The following TNRC6B variants were observed in gnomAD, a reference collection of about 807,000 sequenced individuals.
TNRC6B encodes the protein trinucleotide repeat containing adaptor 6B, also known as trinucleotide repeat-containing gene 6B protein.
TNRC6B carries 52 observed loss-of-function variants against 203.6 expected under a neutral mutation model. The observed-to-expected ratio is 0.26, with a 90% CI of 0.20 to 0.32. The LOEUF (loss-of-function observed/expected upper bound fraction) is 0.32, where lower values mean the gene tolerates loss of function less well. Among genes scored for constraint, TNRC6B ranks in the 10% least tolerant of loss-of-function variants. The pLI, the probability that TNRC6B is intolerant of heterozygous loss-of-function variation, is 1.00. For synonymous variants in TNRC6B, 838 were observed against 845.7 expected (o/e 0.99, Z 0.16); for missense variants, 1,923 against 2,286.2 (o/e 0.84, Z 3.24).
rs184282361 is a variant in TNRC6B, at chr22:40,232,565, G to C, written c.6-13450G>C. 1.2e-3 allele frequency among the ~76,000 whole-genome samples: 179 copies of C among 152,240 alleles called. 2 individuals carry two copies. Among genetic ancestry groups the C allele is most frequent in the Non-Finnish European group, 2.4e-3 (160 of 68,014 alleles). On this transcript the variant is annotated intron_variant, in intron 1 of 22. Coordinates refer to ENST00000454349, the MANE Select transcript of TNRC6B (RefSeq NM_001162501.2). ...GGAAGCCACATCTCTCCTTGTTCGA[G>C]TTTGCTGAGCTGCCCAGCTCTAGAG... is the stretch of plus-strand genomic sequence containing the variant.
intron 1 of TNRC6B, chr22:40,107,184 C>G (rs2068292454): frequency 1.9e-6 from 1 of 529,216 alleles, no homozygotes; most frequent in Non-Finnish European, 3.3e-6. Context: ...TTTAAGAAAT[C>G]CTTCCCTACC....
At position 40,266,936 on chromosome 22, in the gene TNRC6B, T is replaced by C. The variant is rs61743866; in HGVS notation, c.2706T>C (p.Tyr902=). 5.9e-4 allele frequency: 946 copies of C among 1,613,878 alleles called. 5 individuals are homozygous for C. In the African/African-American group the frequency reaches 0.011, roughly 19 times the overall value. The change falls in exon 5 of 23, where the codon TAT becomes TAC. Residue 902 remains tyrosine (Y), a synonymous_variant. Transcript: ENST00000454349. ...GTSAWGDPNS[Y]NYKNVNLWDK... is the part of the protein sequence containing the mutation. ...CAGCATGGGGAGACCCTAACAGTTA[T>C]AACTACAAGAATGTGAATCTGTGGG... is the stretch of plus-strand genomic sequence containing the variant.
At chr22:40,085,052 T>G (rs1028007988) in intron 1 of TNRC6B, among the ~76,000 whole-genome samples, 1 of 152,178 alleles carries the variant, frequency 6.6e-6, no homozygotes, top group African/African-American at 2.4e-5. Flanking sequence ...TGTAGAGCAC[T>G]TGCTCTGAGG....
At chr22:40,299,800 C>T (rs2070997774) in intron 12 of TNRC6B, among the ~76,000 whole-genome samples, 1 of 152,312 alleles carries the variant, frequency 6.6e-6, no homozygotes, top group Middle Eastern at 3.4e-3. Flanking sequence ...GGGAAACTCA[C>T]TTCTTCTTAC....
chr22:40,207,428 T>A (rs1209102066), intron 1 of TNRC6B, among the ~76,000 whole-genome samples: 66 of 93,188 alleles, frequency 7.1e-4, no homozygotes, highest in African/African-American at 3.9e-3. Context: ...AATATATATA[T>A]ATATATATAT....
chr22:40,303,691 C>A (rs2146552632), intron 15 of TNRC6B, among the ~76,000 whole-genome samples: 1 of 151,982 alleles, frequency 6.6e-6, no homozygotes, highest in South Asian at 2.1e-4. Flanking sequence ...GAGGGCAGAT[C>A]ACTTGAGGTC....
chr22:40,209,698 G>A (rs1279073181), intron 1 of TNRC6B, among the ~76,000 whole-genome samples: 1 of 152,104 alleles, frequency 6.6e-6, no homozygotes. Context: ...TTTGCAAAGT[G>A]GGAAGAAAGA....
chr22:40,322,618 A>T (rs1276628265), intron 22 of TNRC6B, among the ~76,000 whole-genome samples: 1 of 152,172 alleles, frequency 6.6e-6, no homozygotes, highest in Non-Finnish European at 1.5e-5. Context: ...AGTTTTGGTG[A>T]TGCCTTGTTG....
intron 1 of TNRC6B, among the ~76,000 whole-genome samples, chr22:40,063,766 G>A (rs759142146): frequency 1.3e-5 from 2 of 151,588 alleles, no homozygotes; most frequent in South Asian, 2.1e-4. Flanking sequence ...GCAGTGGCAC[G>A]ATCACAGCTT....
At chr22:40,159,981 A>T (rs2068857253) in intron 4 of TNRC6B, among the ~76,000 whole-genome samples, 1 of 151,618 alleles carries the variant, frequency 6.6e-6, no homozygotes, top group African/African-American at 2.4e-5. Context: ...CCAGCTAATT[A>T]AAAAAAATTT....
chr22:40,294,185 C>T (rs914665939), intron 12 of TNRC6B, among the ~76,000 whole-genome samples: 5 of 151,830 alleles, frequency 3.3e-5, no homozygotes, highest in African/African-American at 9.7e-5. Context: ...CCCAAGAAGC[C>T]GAAACTGCAG....
At chr22:40,319,918 C>G (rs148801381) in intron 21 of TNRC6B, among the ~76,000 whole-genome samples, 1 of 152,142 alleles carries the variant, frequency 6.6e-6, no homozygotes, top group African/African-American at 2.4e-5. Context: ...TCTTTCATCA[C>G]CTAAAATTTA....
At chr22:40,099,532 A>G (rs139897957) in intron 1 of TNRC6B, among the ~76,000 whole-genome samples, 2 of 152,288 alleles carry the variant, frequency 1.3e-5, no homozygotes, top group African/African-American at 4.8e-5. Flanking sequence ...AGAAATATTC[A>G]GGAAAAAAAT....
intron 1 of TNRC6B, among the ~76,000 whole-genome samples, chr22:40,074,283 T>C (rs1427680343): frequency 6.7e-6 from 1 of 148,876 alleles, no homozygotes; most frequent in Non-Finnish European, 1.5e-5. Flanking sequence ...TTCAAGCTAA[T>C]AATTTAAGAG....
chr22:40,307,870 G>C (rs746785438), intron 15 of TNRC6B, among the ~76,000 whole-genome samples: 8 of 151,820 alleles, frequency 5.3e-5, no homozygotes, highest in Non-Finnish European at 1.2e-4. Context: ...TCTTATCCTA[G>C]AGAAAAAAAG....
chr22:40,230,066 C>A (rs1008633615), intron 1 of TNRC6B, among the ~76,000 whole-genome samples: 1 of 152,164 alleles, frequency 6.6e-6, no homozygotes, highest in South Asian at 2.1e-4. Flanking sequence ...TACCATTTTA[C>A]ATTCCCATCA....
At chr22:40,129,348 T>C (rs765049992) in intron 3 of TNRC6B, among the ~76,000 whole-genome samples, 16 of 152,210 alleles carry the variant, frequency 1.1e-4, no homozygotes, top group Non-Finnish European at 2.2e-4. Flanking sequence ...CTCTGTCTGC[T>C]GTCTGGACAG....
chr22:40,315,278 T>G lies in TNRC6B; in HGVS notation c.4679-5T>G, dbSNP rs1202543583. 1.2e-6 allele frequency: 2 copies of G among 1,613,238 alleles called. No individual in the cohort carries two copies. The highest frequency in any genetic ancestry group is 2.2e-5 in the South Asian group (2 of 91,048). On this transcript the variant is annotated splice_region_variant and splice_polypyrimidine_tract_variant and intron_variant, in intron 19 of 22. Transcript: ENST00000454349. ...TATTCCTTCCTTAATTTTCTCTTCT[T>G]ACAGCAAAGTTCCCTGATTACAAAT...
intron 12 of TNRC6B, among the ~76,000 whole-genome samples, chr22:40,298,293 G>T (rs1287242234): frequency 2.0e-5 from 3 of 152,134 alleles, no homozygotes; most frequent in Non-Finnish European, 4.4e-5. Context: ...CAGAGAAATT[G>T]ACATCTTAGG....
Sources: allele counts gnomAD v4.1 joint callset (sites outside exome capture counted in the v4.1 genomes callset), GRCh38; gene constraint gnomAD v4.1.1; transcripts MANE v1.5; gene names NCBI Gene and HGNC (gene_info 2026-07-23, HGNC 2026-07-21).